Variants in KDM7A observed in about 807,000 individuals in gnomAD.
The protein encoded by KDM7A is lysine demethylase 7A.
A neutral mutation model predicts 114.8 loss-of-function variants in KDM7A; 28 were observed. The observed-to-expected ratio is 0.24, with a 90% CI of 0.18 to 0.33. The LOEUF (loss-of-function observed/expected upper bound fraction) is 0.33, where lower values mean the gene tolerates loss of function less well. Ranked by LOEUF, KDM7A falls within the 10% of genes least tolerant of loss-of-function variation. The probability of loss-of-function intolerance (pLI) is 1.00; values close to 1 mark genes in which losing one functional copy is unlikely to be tolerated. For missense variants in KDM7A, 942 were observed against 1,142.5 expected, an observed-to-expected ratio of 0.82 and a Z score of 2.53; for synonymous variants, 423 against 397.8, an observed-to-expected ratio of 1.06 and a Z score of -0.75.
intron 9 of KDM7A, among the ~76,000 whole-genome samples, chr7:140,115,804 T>TA (rs201996101): frequency 0.023 from 2,631 of 113,464 alleles, 70 homozygotes; most frequent in African/African-American, 0.087. Context: ...AAAATAAATT[T>TA]AAAAAAAATA....
At chr7:140,109,682 T>TA (rs1818401016) in intron 11 of KDM7A, among the ~76,000 whole-genome samples, 2 of 152,354 alleles carry the variant, frequency 1.3e-5, no homozygotes. Flanking sequence ...TGTTTTCAGC[T>TA]TCAGATATTA....
chr7:140,087,531 G>T lies in KDM7A; in HGVS notation c.*3563C>A, dbSNP rs1038830680. The T allele has an allele frequency of 9.9e-5, 15 of 152,156 alleles. No individual in the cohort carries two copies. Among genetic ancestry groups the T allele is most frequent in the African/African-American group, 3.6e-4 (15 of 41,434 alleles). 9.4% of individuals were successfully genotyped at this position (152,156 alleles called of 1,614,324 possible). ...AAATATATATAAAGGTGCATTAATT[G>T]CCAGTTTTAACTTAATGATAAGTTC... On this transcript the variant is annotated 3_prime_UTR_variant, in exon 20 of 20. Transcript: ENST00000397560.
rs1818003597 is a variant in KDM7A at position 140,090,741 on chromosome 7, T to A, written c.*353A>T. 3.9e-5 allele frequency: 8 copies of A among 205,288 alleles called. No homozygotes were observed. Among genetic ancestry groups the A allele is most frequent in the Non-Finnish European group, 6.8e-5 (7 of 103,618 alleles). The allele number at this position is 205,288 out of a possible 1,614,324, so 12.7% of individuals were successfully genotyped here. A position where few individuals can be genotyped will look rare whatever the true frequency, so the allele number is the denominator to read the frequency against. On this transcript the variant is annotated 3_prime_UTR_variant, in exon 20 of 20. Transcript: ENST00000397560. ...AAAAGAATTTAAAAGCTGTTAACTT[T>A]AAAAAAAAATCTGTTAAATAAATTA... is the stretch of plus-strand genomic sequence containing the variant.
At chr7:140,110,336 A>G (rs1451195369) in intron 11 of KDM7A, among the ~76,000 whole-genome samples, 3 of 152,152 alleles carry the variant, frequency 2.0e-5, no homozygotes, top group Admixed American at 6.5e-5. Flanking sequence ...TTACTGTAAC[A>G]CTTTAAAAAC....
chr7:140,111,974 T>G (rs1199662690), intron 10 of KDM7A, among the ~76,000 whole-genome samples: 1 of 151,978 alleles, frequency 6.6e-6, no homozygotes, highest in African/African-American at 2.4e-5. Flanking sequence ...TAAAGGGAAT[T>G]CTGATAAAGT....
Position 140,085,330 on chromosome 7 carries a change from A to C in KDM7A, c.*5764T>G, listed in dbSNP as rs1817908804. 1 of 152,204 alleles carries C rather than the reference A, an allele frequency of 6.6e-6. No homozygotes were observed. The highest frequency in any genetic ancestry group is 6.5e-5 in the Admixed American group (1 of 15,288). The allele number at this position is 152,204 out of a possible 1,614,324, so 9.4% of individuals were successfully genotyped here. A position where few individuals can be genotyped will look rare whatever the true frequency, so the allele number is the denominator to read the frequency against. On this transcript the variant is annotated 3_prime_UTR_variant, in exon 20 of 20. Coordinates refer to ENST00000397560, the MANE Select transcript of KDM7A (RefSeq NM_030647.2). ...AAACTAGTAAATACCAGAGCCAACAACTGTCCCCTCTCCAAAGTTCACAGA... is the reference window on the plus strand; with the variant it reads ...AAACTAGTAAATACCAGAGCCAACACCTGTCCCCTCTCCAAAGTTCACAGA...
chr7:140,132,263 G>A (rs1466282108), intron 3 of KDM7A, among the ~76,000 whole-genome samples: 2 of 152,086 alleles, frequency 1.3e-5, no homozygotes, highest in African/African-American at 4.8e-5. Flanking sequence ...TGAACTAATG[G>A]TAATTACATT....
rs1794681156 is a variant in KDM7A, at chr7:140,174,622, G to C, written c.194+2122C>G. ...AAGTTTCTTTTTTCTTTTTTTTTGAGACGGAGTCTCACTCTGTCGCCAGGC... is the reference window on the plus strand; with the variant it reads ...AAGTTTCTTTTTTCTTTTTTTTTGACACGGAGTCTCACTCTGTCGCCAGGC... On this transcript the variant is annotated intron_variant, in intron 1 of 19. Transcript: ENST00000397560. 2.0e-5 allele frequency among the ~76,000 whole-genome samples: 3 copies of C among 151,658 alleles called. No individual in the cohort carries two copies. The South Asian group carries it at 6.2e-4, about 32-fold the overall frequency.
At chr7:140,114,457 C>T (rs990218487) in intron 9 of KDM7A, among the ~76,000 whole-genome samples, 3 of 151,098 alleles carry the variant, frequency 2.0e-5, no homozygotes, top group Non-Finnish European at 4.4e-5. Context: ...GACGGAGTCT[C>T]GTTCACTCAG....
rs148957004 is a variant in KDM7A at position 140,097,560 on chromosome 7, G to A, written c.2001C>T (p.Pro667=). The A allele has an allele frequency of 1.2e-5, 19 of 1,590,448 alleles. No individual in the cohort carries two copies. Among genetic ancestry groups the A allele is most frequent in the Admixed American group, 6.7e-5 (4 of 59,774 alleles). ...TCAGGCGTACCAGTGCAGTGCACTC[G>A]GGTCCGGAGTCTTCTGACTCAGAAA... The part of the protein sequence containing the change: ...SDISESEDSG[P]ECTALKSIFT... The change falls in exon 15 of 20, where the codon CCC becomes CCT. Residue 667 remains proline, a synonymous_variant. Coordinates refer to ENST00000397560, the MANE Select transcript of KDM7A (RefSeq NM_030647.2).
intron 11 of KDM7A, 121 bp downstream of exon 11, chr7:140,110,974 G>A: frequency 5.6e-6 from 3 of 538,518 alleles, no homozygotes; most frequent in South Asian, 7.3e-5. Flanking sequence ...CAAAGACTCA[G>A]CTCATTATAT....
intron 12 of KDM7A, among the ~76,000 whole-genome samples, chr7:140,100,679 T>TATATATATATATATATAC (rs1192609907): frequency 1.6e-5 from 1 of 63,982 alleles, no homozygotes; most frequent in Non-Finnish European, 2.9e-5. Flanking sequence ...TATATATATA[T>TATATATATATATATATAC]ACATATATAC....
intron 1 of KDM7A, among the ~76,000 whole-genome samples, chr7:140,162,766 C>T (rs1465459140): frequency 6.6e-6 from 1 of 151,984 alleles, no homozygotes; most frequent in East Asian, 1.9e-4. Flanking sequence ...TAAAGATAAA[C>T]ATACACACAA....
chr7:140,174,104 C>T (rs1425924828), intron 1 of KDM7A, among the ~76,000 whole-genome samples: 1 of 150,304 alleles, frequency 6.7e-6, no homozygotes, highest in Non-Finnish European at 1.5e-5. Context: ...GCGGAGTTTG[C>T]AGTGAGCAGA....
intron 9 of KDM7A, among the ~76,000 whole-genome samples, chr7:140,117,081 G>C (rs1818542821): frequency 6.6e-6 from 1 of 152,166 alleles, no homozygotes; most frequent in Non-Finnish European, 1.5e-5. Context: ...TAAAATGATG[G>C]CAATTGCTAT....
chr7:140,156,593 A>G (rs1794460521), intron 1 of KDM7A, among the ~76,000 whole-genome samples: 1 of 152,192 alleles, frequency 6.6e-6, no homozygotes, highest in African/African-American at 2.4e-5. Context: ...ACTAAGTATA[A>G]GGGGCTTCAG....
chr7:140,143,093 C>T (rs927803606), intron 1 of KDM7A, among the ~76,000 whole-genome samples: 6 of 149,146 alleles, frequency 4.0e-5, no homozygotes, highest in South Asian at 4.2e-4. Flanking sequence ...GGCAGGAGAA[C>T]GGCATGAACT....
intron 1 of KDM7A, among the ~76,000 whole-genome samples, chr7:140,145,189 C>G (rs1433175572): frequency 2.0e-5 from 3 of 152,100 alleles, no homozygotes; most frequent in Non-Finnish European, 4.4e-5. Flanking sequence ...GTGGTGCAGA[C>G]CCAGAGCAGG....
intron 7 of KDM7A, 117 bp downstream of exon 7, chr7:140,124,504 C>A: frequency 1.5e-6 from 1 of 662,790 alleles, no homozygotes; most frequent in Non-Finnish European, 2.4e-6. Flanking sequence ...AGAATTATTT[C>A]TTAACAAATG....
Sources: gnomAD v4.1 joint callset for allele counts (sites outside exome capture counted in the v4.1 genomes callset) on GRCh38, gnomAD v4.1.1 for gene constraint, MANE v1.5 for transcripts, NCBI Gene and HGNC (gene_info 2026-07-23, HGNC 2026-07-21) for gene names.